The following CCAR1 variants were observed in gnomAD, a reference collection of about 807,000 sequenced individuals.
CCAR1 encodes cell division cycle and apoptosis regulator protein 1.
CCAR1 carries 78 observed loss-of-function variants against 163.8 expected under a neutral mutation model. The observed-to-expected ratio is 0.48, with a 90% CI of 0.40 to 0.57. The LOEUF (loss-of-function observed/expected upper bound fraction) is 0.57. CCAR1 is among the 20% of genes least tolerant of loss of function. The probability of loss-of-function intolerance (pLI) is 0.00; values close to 1 mark genes in which losing one functional copy is unlikely to be tolerated. For missense variants in CCAR1, 1,019 were observed against 1,365.2 expected, an observed-to-expected ratio of 0.75 and a Z score of 4.00; for synonymous variants, 443 against 460.7, an observed-to-expected ratio of 0.96 and a Z score of 0.49.
chr10:68,760,205 A>C (rs958089706), intron 15 of CCAR1, among the ~76,000 whole-genome samples: 1 of 151,226 alleles, frequency 6.6e-6, no homozygotes, highest in African/African-American at 2.5e-5. Flanking sequence ...CCGCGGCTGG[A>C]GTGCAGTGCA....
At chr10:68,726,418 T>C (rs1010669042) in intron 2 of CCAR1, among the ~76,000 whole-genome samples, 4 of 152,080 alleles carry the variant, frequency 2.6e-5, no homozygotes, top group African/African-American at 4.8e-5. Context: ...CCCAAAGTGC[T>C]GGGATTACAG....
intron 16 of CCAR1, among the ~76,000 whole-genome samples, chr10:68,763,738 G>A (rs920381361): frequency 6.6e-6 from 1 of 152,178 alleles, no homozygotes; most frequent in Non-Finnish European, 1.5e-5. Context: ...GTGAGCCACC[G>A]TGCTCAGCCC....
chr10:68,735,428 C>T (rs1411080280), intron 2 of CCAR1, among the ~76,000 whole-genome samples: 1 of 131,804 alleles, frequency 7.6e-6, no homozygotes, highest in Non-Finnish European at 1.5e-5. Flanking sequence ...CTGTGAAAAT[C>T]CCTCATAGGA....
intron 2 of CCAR1, among the ~76,000 whole-genome samples, chr10:68,733,159 C>G (rs1028478029): frequency 3.3e-5 from 5 of 152,148 alleles, no homozygotes; most frequent in Non-Finnish European, 5.9e-5. Flanking sequence ...CCTATAATCC[C>G]AGCACTTTGG....
At position 68,773,110 on chromosome 10, in the gene CCAR1, AATTT is replaced by A. The variant is rs758713258; in HGVS notation, c.2650+19_2650+22del. 9.3e-6 allele frequency: 12 copies of A among 1,296,910 alleles called. No individual in the cohort carries two copies. Among genetic ancestry groups the A allele is most frequent in the African/African-American group, 3.0e-5 (2 of 66,742 alleles). 80.3% of individuals were successfully genotyped at this position (1,296,910 alleles called of 1,614,324 possible). A position where few individuals can be genotyped will look rare whatever the true frequency, so the allele number is the denominator to read the frequency against. ...AGGATGAAGAAGATGGTATGATTGAAATTTATTTATTACTTCTTAGAGTTAAGAA... is the reference window on the plus strand; with the variant it reads ...AGGATGAAGAAGATGGTATGATTGAAATTTATTACTTCTTAGAGTTAAGAA... On this transcript the variant is annotated intron_variant, in intron 19 of 24. Coordinates refer to ENST00000265872, the MANE Select transcript of CCAR1 (RefSeq NM_018237.4).
At chr10:68,738,387 C>T (rs576675894) in intron 4 of CCAR1, among the ~76,000 whole-genome samples, 1 of 152,082 alleles carries the variant, frequency 6.6e-6, no homozygotes, top group Non-Finnish European at 1.5e-5. Context: ...GAGATCACAC[C>T]ACTGTACTCC....
Position 68,771,105 on chromosome 10 carries a change from A to G in CCAR1, c.2299-101A>G, listed in dbSNP as rs535323288. The G allele has an allele frequency of 7.1e-5, 72 of 1,019,734 alleles. No homozygotes were observed. The African/African-American group carries it at 1.1e-3, about 15-fold the overall frequency. 63.2% of individuals were successfully genotyped at this position (1,019,734 alleles called of 1,614,324 possible). A position where few individuals can be genotyped will look rare whatever the true frequency, so the allele number is the denominator to read the frequency against. On this transcript the variant is annotated intron_variant, in intron 17 of 24. Transcript: ENST00000265872. ...AAAAAAAAAAGTTTGATAAGTTTAC[A>G]TAATCGTTGTATGTGGCAAGTTTTT...
chr10:68,767,203 T>C (rs1290739179), intron 17 of CCAR1, among the ~76,000 whole-genome samples: 2 of 152,166 alleles, frequency 1.3e-5, no homozygotes, highest in East Asian at 3.8e-4. Flanking sequence ...TTAACTTGCG[T>C]TTGAGTTGTA....
intron 17 of CCAR1, among the ~76,000 whole-genome samples, chr10:68,769,487 G>T (rs1303026899): frequency 9.2e-5 from 14 of 152,148 alleles, no homozygotes; most frequent in Admixed American, 8.5e-4. Context: ...GGGCGTGGTG[G>T]CGCGTACGTG....
In CCAR1 at chr10:68,757,352, C is replaced by A; in HGVS notation, c.1895C>A (p.Ser632Tyr). The A allele has an allele frequency of 1.3e-6, 2 of 1,579,788 alleles. No individual in the cohort carries two copies. Among genetic ancestry groups the A allele is most frequent in the South Asian group, 1.1e-5 (1 of 89,844 alleles). Residue 632 changes from serine (S) to tyrosine (Y), a missense_variant, in exon 15 of 25, where the codon TCT becomes TAT. Ser to Tyr is a moderately radical substitution (Grantham distance 144). This residue lies in a region of CCAR1 where 644 missense variants were observed against 904.4 expected (regional missense o/e 0.71). Transcript: ENST00000265872. ...AKEISTPTHW[S>Y]KLDPKTMKVN... The stretch of plus-strand genomic sequence containing the variant: ...GAAATTTCTACACCTACCCATTGGT[C>A]TAAACTTGATCCAAAGACAATGAAG...
intron 2 of CCAR1, among the ~76,000 whole-genome samples, chr10:68,728,333 A>G (rs1207081804): frequency 2.0e-5 from 3 of 152,016 alleles, no homozygotes; most frequent in Non-Finnish European, 4.4e-5. Context: ...GCTAAGGGAA[A>G]AAGACATCCA....
intron 16 of CCAR1, among the ~76,000 whole-genome samples, chr10:68,761,963 A>C (rs1344612731): frequency 6.6e-6 from 1 of 152,128 alleles, no homozygotes; most frequent in Non-Finnish European, 1.5e-5. Context: ...TTTTGTGAAC[A>C]GTTCTGTGAG....
chr10:68,779,488 A>G (rs1391560901), intron 19 of CCAR1, among the ~76,000 whole-genome samples: 1 of 150,228 alleles, frequency 6.7e-6, no homozygotes, highest in South Asian at 2.1e-4. Flanking sequence ...CGAACTCCCG[A>G]CCTCAGGTGA....
intron 24 of CCAR1, among the ~76,000 whole-genome samples, chr10:68,790,746 T>TGA (rs1467013490): frequency 7.0e-6 from 1 of 143,644 alleles, no homozygotes; most frequent in Non-Finnish European, 1.5e-5. Flanking sequence ...CGGTGGCTCA[T>TGA]GCCTGTAATC....
chr10:68,791,156 A>G (rs1589198231), intron 24 of CCAR1, 51 bp from the exon 25 acceptor site: 1 of 1,121,576 alleles, frequency 8.9e-7, no homozygotes, highest in East Asian at 2.5e-5. Flanking sequence ...TCAAAGTAAC[A>G]TTTAAGATAA....
At chr10:68,761,961 A>G (rs2056477052) in intron 16 of CCAR1, among the ~76,000 whole-genome samples, 1 of 152,062 alleles carries the variant, frequency 6.6e-6, no homozygotes, top group Non-Finnish European at 1.5e-5. Flanking sequence ...TTTTTTGTGA[A>G]CAGTTCTGTG....
intron 2 of CCAR1, among the ~76,000 whole-genome samples, chr10:68,728,829 T>G (rs1354622973): frequency 6.6e-6 from 1 of 151,836 alleles, no homozygotes; most frequent in African/African-American, 2.4e-5. Context: ...GTGGTGGGCG[T>G]CTGTAATCTC....
At chr10:68,754,689 G>A in intron 11 of CCAR1, 25 bp from the exon 12 acceptor site, 2 of 1,214,308 alleles carry the variant, frequency 1.6e-6, no homozygotes, top group Non-Finnish European at 2.4e-6. Flanking sequence ...ACTTTTGACA[G>A]GATTGAATTA....
At chr10:68,750,372 G>A (rs1346802124) in intron 10 of CCAR1, among the ~76,000 whole-genome samples, 1 of 151,636 alleles carries the variant, frequency 6.6e-6, no homozygotes, top group Non-Finnish European at 1.5e-5. Flanking sequence ...CAGGTGCTCA[G>A]CACCACACCC....
Sources: allele counts gnomAD v4.1 joint callset (sites outside exome capture counted in the v4.1 genomes callset), GRCh38; gene constraint gnomAD v4.1.1; regional missense constraint gnomAD v4.1.1; transcripts MANE v1.5; gene names NCBI Gene and HGNC (gene_info 2026-07-23, HGNC 2026-07-21).